SDK1: variants seen among roughly 807,000 people sequenced by gnomAD.
The protein encoded by SDK1 is sidekick cell adhesion molecule 1.
A neutral mutation model predicts 245.5 loss-of-function variants in SDK1; 157 were observed. That is an observed-to-expected ratio of 0.64 (90% CI 0.56 to 0.73). The LOEUF is 0.73. Among genes scored for constraint, SDK1 ranks in the 30% least tolerant of loss-of-function variants. The pLI, the probability that SDK1 is intolerant of heterozygous loss-of-function variation, is 0.00. For missense variants in SDK1, 3,583 were observed against 3,002.3 expected, an observed-to-expected ratio of 1.19 and a Z score of -4.52; for synonymous variants, 1,647 against 1,278.5, an observed-to-expected ratio of 1.29 and a Z score of -6.15.
In SDK1 at chr7:3,706,305, C is replaced by G. The variant is rs570010701; in HGVS notation, c.713+64200C>G. Among the ~76,000 whole-genome samples, 4 of 152,310 alleles carry G rather than the reference C, an allele frequency of 2.6e-5. No homozygotes were observed. In the South Asian group the frequency reaches 8.3e-4, roughly 32 times the overall value. ...ACAGATGAGTTAGGGAGGATTCCCTCTTTCTCAGTCTTTTGGAATAGTTTC... is the reference window on the plus strand; with the variant it reads ...ACAGATGAGTTAGGGAGGATTCCCTGTTTCTCAGTCTTTTGGAATAGTTTC... On this transcript the variant is annotated intron_variant, in intron 4 of 44. Transcript: ENST00000404826.
intron 13 of SDK1, 149 bp from the exon 14 acceptor site, chr7:3,987,037 A>G: frequency 1.4e-6 from 1 of 719,302 alleles, no homozygotes; most frequent in Non-Finnish European, 2.3e-6. Context: ...TTCTGGGGGG[A>G]AGAGAGTTAA....
chr7:4,158,220 C>T (rs1301581515), intron 30 of SDK1, among the ~76,000 whole-genome samples: 1 of 152,188 alleles, frequency 6.6e-6, no homozygotes, highest in Non-Finnish European at 1.5e-5. Flanking sequence ...AGGCTTCTCC[C>T]AGGACAGGTC....
intron 36 of SDK1, among the ~76,000 whole-genome samples, chr7:4,206,773 C>T (rs1784249644): frequency 6.6e-6 from 1 of 152,140 alleles, no homozygotes; most frequent in African/African-American, 2.4e-5. Flanking sequence ...AATAAATTCC[C>T]CTGTCTATTC....
chr7:4,208,289 G>T lies in SDK1; in HGVS notation c.5401+4G>T. On this transcript the variant is annotated splice_donor_region_variant and intron_variant, in intron 37 of 44. Coordinates refer to ENST00000404826, the MANE Select transcript of SDK1 (RefSeq NM_152744.4). ...CAGGGGCGCACCCACCAGGCCGGTA[G>T]GAGGAAGGCGGGTTTCCTTTGGGCA... 6.2e-7 allele frequency: 1 copy of T among 1,611,402 alleles called. No individual in the cohort carries two copies. Among genetic ancestry groups the T allele is most frequent in the Non-Finnish European group, 8.5e-7 (1 of 1,179,220 alleles).
At chr7:3,897,110 A>G (rs894720312) in intron 5 of SDK1, among the ~76,000 whole-genome samples, 8 of 152,166 alleles carry the variant, frequency 5.3e-5, no homozygotes, top group Non-Finnish European at 7.4e-5. Flanking sequence ...CCTTAATTCA[A>G]TCACCTCCCA....
chr7:4,124,707 A>G (rs569096688), intron 25 of SDK1, among the ~76,000 whole-genome samples: 2 of 152,244 alleles, frequency 1.3e-5, no homozygotes, highest in South Asian at 4.1e-4. Flanking sequence ...TAAATGTCAT[A>G]GGTTGCATTA....
At chr7:4,129,572 G>A in intron 26 of SDK1, 1 of 830,802 alleles carries the variant, frequency 1.2e-6, no homozygotes, top group Non-Finnish European at 1.6e-6. Context: ...AGGAAGCAGA[G>A]TGTTGTCTGT....
chr7:3,582,679 A>G (rs1194073812), intron 1 of SDK1, among the ~76,000 whole-genome samples: 2 of 134,526 alleles, frequency 1.5e-5, no homozygotes, highest in Admixed American at 7.9e-5. Flanking sequence ...AACCTAAACT[A>G]AAGTAAAAAA....
At chr7:3,923,727 A>G (rs1031591669) in intron 5 of SDK1, among the ~76,000 whole-genome samples, 1 of 152,236 alleles carries the variant, frequency 6.6e-6, no homozygotes, top group African/African-American at 2.4e-5. Flanking sequence ...TAGTCCCCTC[A>G]TGGCAACATC....
rs2128135837 is a variant in SDK1, at chr7:3,978,546, G to C, written c.1994+4001G>C. On this transcript the variant is annotated intron_variant, in intron 13 of 44. Transcript: ENST00000404826. ...CCTCGTGAATTGTTAGTGTCACGAA[G>C]GCTCCTCTATCCCAAACCTGGATGA... is the stretch of plus-strand genomic sequence containing the variant. Among the ~76,000 whole-genome samples the C allele has an allele frequency of 2.0e-5, 3 of 152,304 alleles. No homozygotes were observed. The South Asian group carries it at 6.2e-4, about 32-fold the overall frequency.
chr7:3,564,372 C>G (rs573595483), intron 1 of SDK1, among the ~76,000 whole-genome samples: 1 of 152,066 alleles, frequency 6.6e-6, no homozygotes, highest in Non-Finnish European at 1.5e-5. Context: ...CCTGTAGTCC[C>G]AGCTGCTTTG....
intron 1 of SDK1, among the ~76,000 whole-genome samples, chr7:3,591,992 T>G (rs1033483895): frequency 6.6e-6 from 1 of 152,196 alleles, no homozygotes; most frequent in African/African-American, 2.4e-5. Context: ...CTACAGATAG[T>G]TCTATACAGA....
intron 1 of SDK1, among the ~76,000 whole-genome samples, chr7:3,403,566 A>G (rs944152294): frequency 6.6e-6 from 1 of 151,850 alleles, no homozygotes; most frequent in Non-Finnish European, 1.5e-5. Context: ...ATTTGCACCT[A>G]TGAGAAAGAT....
At chr7:3,582,930 G>A (rs1023738352) in intron 1 of SDK1, among the ~76,000 whole-genome samples, 10 of 152,078 alleles carry the variant, frequency 6.6e-5, no homozygotes, top group African/African-American at 2.4e-4. Context: ...AGGAAAAGGG[G>A]GGCAGATAAC....
intron 22 of SDK1, among the ~76,000 whole-genome samples, chr7:4,089,030 G>A (rs1026024811): frequency 1.4e-5 from 2 of 148,036 alleles, no homozygotes; most frequent in Admixed American, 1.4e-4. Flanking sequence ...GCACAATGAG[G>A]CCCCTCAGAT....
At position 3,775,624 on chromosome 7, in the gene SDK1, C is replaced by T. The variant is rs978537927; in HGVS notation, c.714-45826C>T. Reference sequence around the variant, plus strand: ...TTGCTCTGTCGCCCAGGCCGGACTGCGGACTGCAGTGGCGTAATCTCGGCT... The same window carrying T: ...TTGCTCTGTCGCCCAGGCCGGACTGTGGACTGCAGTGGCGTAATCTCGGCT... On this transcript the variant is annotated intron_variant, in intron 4 of 44. Coordinates refer to ENST00000404826, the MANE Select transcript of SDK1 (RefSeq NM_152744.4). Among the ~76,000 whole-genome samples, 39 of 150,404 alleles carry T rather than the reference C, an allele frequency of 2.6e-4. 1 individual carries two copies. The highest frequency in any genetic ancestry group is 1.5e-3 in the South Asian group (7 of 4,740).
intron 1 of SDK1, among the ~76,000 whole-genome samples, chr7:3,560,070 G>T (rs1779700555): frequency 6.6e-6 from 1 of 152,200 alleles, no homozygotes; most frequent in African/African-American, 2.4e-5. Flanking sequence ...TTGAAGCCTG[G>T]TGTTTTATCT....
chr7:4,124,680 G>C (rs899091129), intron 25 of SDK1, among the ~76,000 whole-genome samples: 3 of 152,242 alleles, frequency 2.0e-5, no homozygotes, highest in African/African-American at 7.2e-5. Context: ...CTACTCTCGT[G>C]TAGAAAATCT....
intron 30 of SDK1, among the ~76,000 whole-genome samples, chr7:4,157,962 C>T (rs1387401636): frequency 6.6e-6 from 1 of 152,146 alleles, no homozygotes; most frequent in African/African-American, 2.4e-5. Context: ...GAGAATCAGG[C>T]AGGAACTCAT....
Sources: allele counts gnomAD v4.1 joint callset (sites outside exome capture counted in the v4.1 genomes callset), GRCh38; gene constraint gnomAD v4.1.1; transcripts MANE v1.5; gene names NCBI Gene and HGNC (gene_info 2026-07-23, HGNC 2026-07-21).